Variants in GRIN2B observed in about 807,000 individuals in gnomAD.
The protein encoded by GRIN2B is glutamate receptor ionotropic, NMDA 2B.
GRIN2B carries 5 observed loss-of-function variants against 114.5 expected under a neutral mutation model. The ratio of observed to expected loss-of-function variants is 0.04; its 90% confidence interval spans 0.02 to 0.09. The LOEUF (loss-of-function observed/expected upper bound fraction) is 0.09. GRIN2B is among the 10% of genes least tolerant of loss of function. The pLI is 1.00. For missense variants in GRIN2B, 1,108 were observed against 1,943.5 expected (o/e 0.57, Z 8.08); for synonymous variants, 787 against 745.1 (o/e 1.06, Z -0.92).
intron 3 of GRIN2B, among the ~76,000 whole-genome samples, chr12:13,792,677 A>T (rs1035067118): frequency 2.6e-5 from 4 of 152,224 alleles, no homozygotes; most frequent in Non-Finnish European, 5.9e-5. Flanking sequence ...AGAAGACCGC[A>T]GGGTCTGAAA....
intron 2 of GRIN2B, among the ~76,000 whole-genome samples, chr12:13,929,615 T>C (rs1490528285): frequency 1.3e-5 from 2 of 152,220 alleles, no homozygotes; most frequent in African/African-American, 4.8e-5. Flanking sequence ...TAATGGAGCA[T>C]CCAGCTTTCC....
chr12:13,628,648 G>C (rs958857750), intron 5 of GRIN2B, among the ~76,000 whole-genome samples: 1 of 152,220 alleles, frequency 6.6e-6, no homozygotes, highest in Admixed American at 6.5e-5. Context: ...AGCTGGACTA[G>C]AGCAGGACAT....
chr12:13,955,433 C>T (rs1867571747), intron 2 of GRIN2B, among the ~76,000 whole-genome samples: 1 of 152,172 alleles, frequency 6.6e-6, no homozygotes, highest in South Asian at 2.1e-4. Context: ...CACACGTCTG[C>T]AGCAGACATA....
rs371901190 is a variant in GRIN2B at position 13,820,739 on chromosome 12, T to G, written c.411+45059A>C. Among the ~76,000 whole-genome samples, 7 of 152,170 alleles carry G rather than the reference T, an allele frequency of 4.6e-5. No homozygotes were observed. The East Asian group carries it at 7.7e-4, about 17-fold the overall frequency. On this transcript the variant is annotated intron_variant, in intron 3 of 13. Coordinates refer to ENST00000609686, the MANE Select transcript of GRIN2B (RefSeq NM_000834.5). Reference sequence around the variant, plus strand: ...GTTGCTAAATGCTATCCATTTTCTCTTTTAACTATCTGAAAGGAAATCCTT... The same window carrying G: ...GTTGCTAAATGCTATCCATTTTCTCGTTTAACTATCTGAAAGGAAATCCTT...
chr12:13,577,253 TG>T (rs1208432554), intron 10 of GRIN2B, among the ~76,000 whole-genome samples: 1 of 152,222 alleles, frequency 6.6e-6, no homozygotes, highest in African/African-American at 2.4e-5. Flanking sequence ...AGCAATTGCT[TG>T]TGAGCACACA....
chr12:13,538,755 C>A lies in GRIN2B; in HGVS notation c.*24028G>T, dbSNP rs1389543466. The stretch of plus-strand genomic sequence containing the variant: ...ACTTGAGCCTGGGAGGTCAAGGCTG[C>A]AGTGAGCCGTAATCATACCTCTCCA... On this transcript the variant is annotated 3_prime_UTR_variant, in exon 14 of 14. Transcript: ENST00000609686. 6.6e-6 allele frequency: 1 copy of A among 151,580 alleles called. No homozygotes were observed. Among genetic ancestry groups the A allele is most frequent in the African/African-American group, 2.4e-5 (1 of 41,196 alleles). 9.4% of individuals were successfully genotyped at this position (151,580 alleles called of 1,614,324 possible).
intron 5 of GRIN2B, among the ~76,000 whole-genome samples, chr12:13,667,381 T>C (rs11608451): frequency 0.074 from 11,214 of 152,164 alleles, 460 homozygotes; most frequent in Non-Finnish European, 0.09. Flanking sequence ...CCAGAATCGA[T>C]ATAAACAAAC....
chr12:13,919,326 G>A (rs1173161128), intron 2 of GRIN2B, among the ~76,000 whole-genome samples: 1 of 152,112 alleles, frequency 6.6e-6, no homozygotes, highest in Non-Finnish European at 1.5e-5. Context: ...AGTCAAGTTA[G>A]GGATTAAAAA....
chr12:13,577,635 A>G (rs764940995), intron 10 of GRIN2B, among the ~76,000 whole-genome samples: 1 of 152,220 alleles, frequency 6.6e-6, no homozygotes, highest in African/African-American at 2.4e-5. Context: ...TGTATTAGGC[A>G]TTGTAAGTCA....
rs576429343 is a variant in GRIN2B, at chr12:13,835,144, C to T, written c.411+30654G>A. 3.3e-5 allele frequency among the ~76,000 whole-genome samples: 5 copies of T among 152,328 alleles called. No homozygotes were observed. In the South Asian group the frequency reaches 1.0e-3, roughly 32 times the overall value. On this transcript the variant is annotated intron_variant, in intron 3 of 13. Transcript: ENST00000609686. ...TTCAACTGGCTCAAAGAGCTATCTA[C>T]AATCTATGGAGCAGAAATAATCCTG...
At chr12:13,911,958 C>G (rs1263868639) in intron 2 of GRIN2B, among the ~76,000 whole-genome samples, 1 of 152,164 alleles carries the variant, frequency 6.6e-6, no homozygotes, top group Non-Finnish European at 1.5e-5. Context: ...TGCGGAGAGA[C>G]AGAGATGAAA....
intron 2 of GRIN2B, among the ~76,000 whole-genome samples, chr12:13,959,404 A>G (rs1228667300): frequency 6.6e-6 from 1 of 152,176 alleles, no homozygotes; most frequent in East Asian, 1.9e-4. Context: ...TTTTGCTAAT[A>G]AGCAGTAATG....
chr12:13,783,639 A>G (rs1024922553), intron 3 of GRIN2B, among the ~76,000 whole-genome samples: 3 of 152,170 alleles, frequency 2.0e-5, no homozygotes, highest in African/African-American at 4.8e-5. Context: ...GTCTGTGAAT[A>G]CCCAGAGAAA....
At chr12:13,712,566 T>G (rs1164610295) in intron 4 of GRIN2B, among the ~76,000 whole-genome samples, 2 of 151,842 alleles carry the variant, frequency 1.3e-5, no homozygotes, top group Admixed American at 6.6e-5. Flanking sequence ...TTCCATATAC[T>G]GATAGAGGTG....
chr12:13,571,687 G>C (rs1219984208), intron 11 of GRIN2B, 117 bp downstream of exon 11: 33 of 1,087,552 alleles, frequency 3.0e-5, no homozygotes, highest in Non-Finnish European at 4.5e-5. Flanking sequence ...AGCAAATGAA[G>C]TCTTCTTTAA....
chr12:13,693,926 A>G (rs1950235620), intron 4 of GRIN2B, among the ~76,000 whole-genome samples: 1 of 152,172 alleles, frequency 6.6e-6, no homozygotes, highest in Admixed American at 6.5e-5. Context: ...GTCACCAACT[A>G]CTACCATCTA....
At chr12:13,741,186 C>T (rs750093547) in intron 4 of GRIN2B, among the ~76,000 whole-genome samples, 43 of 152,234 alleles carry the variant, frequency 2.8e-4, no homozygotes, top group East Asian at 1.5e-3. Flanking sequence ...TCCGCCACCA[C>T]GCCCGGCTAA....
At chr12:13,888,488 C>T (rs971215480) in intron 2 of GRIN2B, among the ~76,000 whole-genome samples, 33 of 148,822 alleles carry the variant, frequency 2.2e-4, no homozygotes, top group African/African-American at 7.9e-4. Context: ...AATCCCAGCA[C>T]TTTGGGAGAC....
chr12:13,571,291 G>A (rs1948705313), intron 11 of GRIN2B, among the ~76,000 whole-genome samples: 1 of 152,192 alleles, frequency 6.6e-6, no homozygotes, highest in Non-Finnish European at 1.5e-5. Flanking sequence ...CAACACATGT[G>A]TAGGTCATGA....
Sources: gnomAD v4.1 joint callset for allele counts (sites outside exome capture counted in the v4.1 genomes callset) on GRCh38, gnomAD v4.1.1 for gene constraint, MANE v1.5 for transcripts, NCBI Gene and HGNC (gene_info 2026-07-23, HGNC 2026-07-21) for gene names.